Variants in SLC2A5 observed in about 807,000 individuals in gnomAD.
The protein encoded by SLC2A5 is solute carrier family 2 member 5, also known as solute carrier family 2, facilitated glucose transporter member 5.
In SLC2A5, 56 loss-of-function variants were observed where a neutral mutation model predicts 50.3. The ratio of observed to expected loss-of-function variants is 1.11; its 90% CI spans 0.90 to 1.39. The LOEUF (loss-of-function observed/expected upper bound fraction) is 1.39. SLC2A5 is among the 40% of genes most tolerant of loss of function. SLC2A5 has a pLI of 0.00. For missense variants in SLC2A5, 566 were observed against 650.1 expected, an observed-to-expected ratio of 0.87 and a Z score of 1.41; for synonymous variants, 269 against 281.9, an observed-to-expected ratio of 0.95 and a Z score of 0.46.
chr1:9,091,952 C>T (rs192522650), upstream of SLC2A5, among the ~76,000 whole-genome samples: 1 of 152,250 alleles, frequency 6.6e-6, no homozygotes, highest in East Asian at 1.9e-4. Flanking sequence ...AATATATACA[C>T]CGATTCTAAA....
At chr1:9,092,206 AT>A (rs1642467908), upstream of SLC2A5, among the ~76,000 whole-genome samples, 1 of 152,122 alleles carries the variant, frequency 6.6e-6, no homozygotes, top group Admixed American at 6.6e-5. Context: ...CAATTCCCCA[AT>A]ATCTATTTCC....
chr1:9,071,075 T>C (rs576430338), upstream of SLC2A5, among the ~76,000 whole-genome samples: 3 of 151,814 alleles, frequency 2.0e-5, no homozygotes, highest in Non-Finnish European at 4.4e-5. Context: ...AAATCAACGA[T>C]GGGGGAGTGA....
intron 3 of SLC2A5, 136 bp downstream of exon 3, chr1:9,057,312 A>ATG: frequency 5.1e-6 from 2 of 389,370 alleles, no homozygotes; most frequent in Non-Finnish European, 8.3e-6. Flanking sequence ...AAAAAAAAAA[A>ATG]AAAGAAAGAA....
Position 9,047,631 on chromosome 1 carries a change from G to A in SLC2A5, c.397C>T (p.Leu133Phe). The change falls in exon 4 of 12, where the codon CTT becomes TTT. Residue 133 changes from leucine to phenylalanine, a missense_variant. By Grantham distance (22) the Leu-to-Phe change is conservative (BLOSUM62 0). Transcript: ENST00000377424. ...TTACCTGCACATATTCCCACCAAAA[G>A]TCTGGAAATAATGATAAGCTCAAAT... ...TSFELIIISRLLVGICAGVSS... is the reference protein window; with the variant it reads ...TSFELIIISRFLVGICAGVSS... The A allele has an allele frequency of 6.2e-7, 1 of 1,613,908 alleles. No homozygotes were observed. Among genetic ancestry groups the A allele is most frequent in the South Asian group, 1.1e-5 (1 of 91,080 alleles).
chr1:9,082,169 G>A (rs1259990837), intron 2 of SLC2A5, among the ~76,000 whole-genome samples: 1 of 152,160 alleles, frequency 6.6e-6, no homozygotes, highest in Non-Finnish European at 1.5e-5. Context: ...AAATGGTTCA[G>A]CTACTGAGGA....
At chr1:9,079,022 C>T (rs1355772796) in intron 2 of SLC2A5, among the ~76,000 whole-genome samples, 2 of 152,122 alleles carry the variant, frequency 1.3e-5, no homozygotes, top group Non-Finnish European at 2.9e-5. Context: ...ACCTCCCAAC[C>T]CCAGTGCCCA....
At chr1:9,042,678 G>C (rs1257507356) in intron 4 of SLC2A5, among the ~76,000 whole-genome samples, 1 of 150,540 alleles carries the variant, frequency 6.6e-6, no homozygotes, top group African/African-American at 2.4e-5. Flanking sequence ...GTGTGTATAG[G>C]GCATGTGTAT....
chr1:9,036,576 C>T lies in SLC2A5; in HGVS notation c.*1010G>A, dbSNP rs1329668490. 5 of 152,338 alleles carry T rather than the reference C, an allele frequency of 3.3e-5. No individual in the cohort carries two copies. Among genetic ancestry groups the T allele is most frequent in the Non-Finnish European group, 5.9e-5 (4 of 68,196 alleles). The allele number at this position is 152,338 out of a possible 1,614,324, so 9.4% of individuals were successfully genotyped here. A position where few individuals can be genotyped will look rare whatever the true frequency, so the allele number is the denominator to read the frequency against. On this transcript the variant is annotated 3_prime_UTR_variant, in exon 12 of 12. Transcript: ENST00000377424. ...CCTGAAGTGGCCGGGCGCAGTGGCTCACACCTGTAATCCCAGCACTTTGAG... is the reference window on the plus strand; with the variant it reads ...CCTGAAGTGGCCGGGCGCAGTGGCTTACACCTGTAATCCCAGCACTTTGAG...
intron 3 of SLC2A5, among the ~76,000 whole-genome samples, chr1:9,049,504 C>T (rs1382768393): frequency 6.6e-6 from 1 of 151,012 alleles, no homozygotes; most frequent in Non-Finnish European, 1.5e-5. Context: ...CGGGCGGCAT[C>T]ACATGAAGTC....
intron 4 of SLC2A5, among the ~76,000 whole-genome samples, chr1:9,046,204 A>G (rs1410789176): frequency 1.3e-5 from 2 of 152,108 alleles, no homozygotes; most frequent in African/African-American, 4.8e-5. Context: ...CCCACTCTGC[A>G]CCTGTAGGAC....
upstream of SLC2A5, among the ~76,000 whole-genome samples, chr1:9,089,971 G>A (rs1005694589): frequency 5.3e-5 from 8 of 152,200 alleles, no homozygotes; most frequent in East Asian, 1.9e-4. Flanking sequence ...ATACTGGGGC[G>A]AGCCTATCAG....
At chr1:9,042,929 A>G (rs1277938102) in intron 4 of SLC2A5, among the ~76,000 whole-genome samples, 1 of 152,154 alleles carries the variant, frequency 6.6e-6, no homozygotes, top group Non-Finnish European at 1.5e-5. Context: ...CAGTATTTAA[A>G]CTTGTAAATA....
intron 1 of SLC2A5, among the ~76,000 whole-genome samples, chr1:9,067,188 G>A (rs759472943): frequency 4.6e-5 from 7 of 152,172 alleles, no homozygotes; most frequent in South Asian, 2.1e-4. Context: ...ATGATTTCCC[G>A]GATTCTTACA....
intron 3 of SLC2A5, among the ~76,000 whole-genome samples, chr1:9,049,815 C>T (rs192166865): frequency 5.9e-5 from 9 of 152,110 alleles, no homozygotes; most frequent in Admixed American, 2.0e-4. Flanking sequence ...GCAAAGAGAA[C>T]GCAATGGAGA....
intron 5 of SLC2A5, chr1:9,041,424 A>G (rs2124319361): frequency 7.3e-6 from 9 of 1,229,508 alleles, no homozygotes; most frequent in South Asian, 3.4e-5. Context: ...GGAGGGTCCT[A>G]TGAACTGATG....
chr1:9,069,369 C>A, intron 1 of SLC2A5, 135 bp downstream of exon 1: 1 of 876,228 alleles, frequency 1.1e-6, no homozygotes, highest in South Asian at 1.5e-5. Flanking sequence ...CTTTCCCCCT[C>A]TCCCCACCAT....
chr1:9,052,574 A>C (rs1641605699), intron 3 of SLC2A5, among the ~76,000 whole-genome samples: 1 of 152,176 alleles, frequency 6.6e-6, no homozygotes, highest in South Asian at 2.1e-4. Flanking sequence ...ATATATGTCA[A>C]TGCAGGTCTC....
Position 9,038,869 on chromosome 1 carries a change from G to A in SLC2A5, c.1057C>T (p.Leu353Phe), listed in dbSNP as rs1277255313. ...LLLLLGFSIC[L>F]IACCVLTAAL... Reference sequence around the variant, plus strand: ...GCAGTGAGCACGCAGCAGGCTATGAGGCAGATGGAGAAGCCCAGCAGCAGC... The same window carrying A: ...GCAGTGAGCACGCAGCAGGCTATGAAGCAGATGGAGAAGCCCAGCAGCAGC... The change falls in exon 9 of 12, where the codon CTC becomes TTC. Residue 353 changes from leucine to phenylalanine, a missense_variant. Physicochemically the swap from Leu to Phe is conservative, Grantham distance 22. Coordinates refer to ENST00000377424, the MANE Select transcript of SLC2A5 (RefSeq NM_003039.3). The A allele has an allele frequency of 1.9e-6, 3 of 1,612,720 alleles. No homozygotes were observed.
At chr1:9,062,372 A>C (rs1641967705) in intron 1 of SLC2A5, among the ~76,000 whole-genome samples, 1 of 152,172 alleles carries the variant, frequency 6.6e-6, no homozygotes, top group Non-Finnish European at 1.5e-5. Context: ...GAGAGAGGGA[A>C]CAGCATGTGG....
Sources: gnomAD v4.1 joint callset for allele counts (sites outside exome capture counted in the v4.1 genomes callset) on GRCh38, gnomAD v4.1.1 for gene constraint, MANE v1.5 for transcripts, NCBI Gene and HGNC (gene_info 2026-07-23, HGNC 2026-07-21) for gene names.